The following SORCS1 variants were observed in gnomAD, a reference collection of about 807,000 sequenced individuals.
SORCS1 encodes sortilin related VPS10 domain containing receptor 1, also known as VPS10 domain-containing receptor SorCS1.
A neutral mutation model predicts 146.1 loss-of-function variants in SORCS1; 60 were observed. That is an observed-to-expected ratio of 0.41 (90% CI 0.33 to 0.51). SORCS1 has a LOEUF of 0.51. Ranked by LOEUF, SORCS1 falls within the 20% of genes least tolerant of loss-of-function variation. SORCS1 has a pLI of 0.21. For synonymous variants in SORCS1, 637 were observed against 584.0 expected, an observed-to-expected ratio of 1.09 and a Z score of -1.31; for missense variants, 1,352 against 1,487.6, an observed-to-expected ratio of 0.91 and a Z score of 1.50.
chr10:107,024,191 A>AAAG (rs1564938975), intron 1 of SORCS1, among the ~76,000 whole-genome samples: 4 of 150,238 alleles, frequency 2.7e-5, no homozygotes, highest in African/African-American at 1.0e-4. Context: ...AAAAAAAAAA[A>AAAG]AAGAAGAAGA....
chr10:106,894,806 A>C (rs1189664274), intron 2 of SORCS1, among the ~76,000 whole-genome samples: 2 of 152,244 alleles, frequency 1.3e-5, no homozygotes, highest in Non-Finnish European at 2.9e-5. Context: ...CCTAAATTCT[A>C]GAAGAAAGCC....
At chr10:106,919,614 C>A (rs181437787) in intron 2 of SORCS1, among the ~76,000 whole-genome samples, 1 of 152,148 alleles carries the variant, frequency 6.6e-6, no homozygotes, top group Non-Finnish European at 1.5e-5. Context: ...AAATTCCCTG[C>A]GCTATTTGGT....
chr10:107,020,350 A>G (rs1006296850), intron 1 of SORCS1, among the ~76,000 whole-genome samples: 2 of 152,224 alleles, frequency 1.3e-5, no homozygotes, highest in African/African-American at 4.8e-5. Context: ...CAAATCTGAT[A>G]CCCAAAAGTG....
intron 9 of SORCS1, among the ~76,000 whole-genome samples, chr10:106,698,074 A>G (rs1412787016): frequency 1.3e-5 from 2 of 152,224 alleles, no homozygotes; most frequent in Non-Finnish European, 2.9e-5. Context: ...CATAATTTCT[A>G]TTACAAATAC....
At chr10:106,838,513 T>C (rs540914991) in intron 2 of SORCS1, among the ~76,000 whole-genome samples, 1 of 152,188 alleles carries the variant, frequency 6.6e-6, no homozygotes, top group Non-Finnish European at 1.5e-5. Flanking sequence ...GACAAATGCA[T>C]AATGACATGT....
At chr10:106,797,825 C>A (rs1432440256) in intron 3 of SORCS1, among the ~76,000 whole-genome samples, 1 of 152,030 alleles carries the variant, frequency 6.6e-6, no homozygotes, top group Non-Finnish European at 1.5e-5. Flanking sequence ...GCAGGGCAAC[C>A]CCAGAGTGGC....
chr10:107,140,852 T>C (rs1351882239), intron 1 of SORCS1, among the ~76,000 whole-genome samples: 6 of 152,200 alleles, frequency 3.9e-5, no homozygotes, highest in Admixed American at 3.3e-4. Context: ...TTAGTTTCAT[T>C]TTATGAATGA....
chr10:106,626,887 A>G (rs1848146685), intron 19 of SORCS1, among the ~76,000 whole-genome samples: 1 of 152,240 alleles, frequency 6.6e-6, no homozygotes, highest in African/African-American at 2.4e-5. Context: ...TATATGAGGC[A>G]TGCTTATCCA....
At chr10:106,952,103 C>G (rs1954713953) in intron 2 of SORCS1, among the ~76,000 whole-genome samples, 1 of 152,176 alleles carries the variant, frequency 6.6e-6, no homozygotes, top group Admixed American at 6.5e-5. Flanking sequence ...TGTTTTCCAA[C>G]ACAGTTACAT....
At chr10:106,883,113 G>A (rs1166912450) in intron 2 of SORCS1, among the ~76,000 whole-genome samples, 1 of 152,138 alleles carries the variant, frequency 6.6e-6, no homozygotes, top group African/African-American at 2.4e-5. Flanking sequence ...CTCACCATTT[G>A]TAGAAAGCCA....
chr10:106,949,549 A>C (rs12257356), intron 2 of SORCS1, among the ~76,000 whole-genome samples: 2,450 of 152,258 alleles, frequency 0.016, 90 homozygotes, highest in African/African-American at 0.055. Flanking sequence ...CTACTGGGGA[A>C]CTTCTCTTGA....
chr10:106,643,455 G>T (rs961453190), intron 18 of SORCS1, among the ~76,000 whole-genome samples: 16 of 152,220 alleles, frequency 1.1e-4, no homozygotes, highest in African/African-American at 3.9e-4. Context: ...GTCTTTTTCT[G>T]CAAGGAGGAG....
At chr10:106,801,524 A>C (rs981554954) in intron 3 of SORCS1, among the ~76,000 whole-genome samples, 3 of 113,840 alleles carry the variant, frequency 2.6e-5, no homozygotes, top group Non-Finnish European at 5.3e-5. Flanking sequence ...TAGTATAGCC[A>C]TTTTTTTTTT....
At chr10:106,607,354 G>T in intron 22 of SORCS1, 57 bp from the exon 23 acceptor site, 1 of 1,600,324 alleles carries the variant, frequency 6.2e-7, no homozygotes. Context: ...GCTGAGAAGG[G>T]ACCAAGTATT....
chr10:106,629,404 A>G lies in SORCS1; in HGVS notation c.2476-16T>C, dbSNP rs1425740339. On this transcript the variant is annotated splice_polypyrimidine_tract_variant and intron_variant, in intron 18 of 25. Transcript: ENST00000263054. ...GAACATCACCCTGAAAAACAACCCAACATCAGAGGAAATGAGTTAGTATTC... is the reference window on the plus strand; with the variant it reads ...GAACATCACCCTGAAAAACAACCCAGCATCAGAGGAAATGAGTTAGTATTC... The G allele has an allele frequency of 6.2e-7, 1 of 1,612,212 alleles. No homozygotes were observed. The highest frequency in any genetic ancestry group is 2.2e-5 in the East Asian group (1 of 44,782).
intron 2 of SORCS1, among the ~76,000 whole-genome samples, chr10:106,841,106 G>A (rs534924981): frequency 2.8e-4 from 43 of 151,640 alleles, no homozygotes; most frequent in African/African-American, 9.4e-4. Context: ...CGCCTGCCTC[G>A]GCCTCCAAAA....
At chr10:107,143,450 C>T (rs1968016603) in intron 1 of SORCS1, among the ~76,000 whole-genome samples, 2 of 152,196 alleles carry the variant, frequency 1.3e-5, no homozygotes, top group South Asian at 2.1e-4. Context: ...ACCTCAGCCT[C>T]CCAAGTAGCT....
chr10:106,899,138 A>G (rs1330674887), intron 2 of SORCS1, among the ~76,000 whole-genome samples: 2 of 152,194 alleles, frequency 1.3e-5, no homozygotes, highest in East Asian at 3.9e-4. Flanking sequence ...GAACCAAGCC[A>G]TATTTTTTTC....
intron 2 of SORCS1, among the ~76,000 whole-genome samples, chr10:106,914,718 GC>G (rs1952329799): frequency 6.6e-6 from 1 of 152,128 alleles, no homozygotes; most frequent in Admixed American, 6.5e-5. Flanking sequence ...TAGCTCATTA[GC>G]CAGCACAATA....
Sources: allele counts gnomAD v4.1 joint callset (sites outside exome capture counted in the v4.1 genomes callset), GRCh38; gene constraint gnomAD v4.1.1; transcripts MANE v1.5; gene names NCBI Gene and HGNC (gene_info 2026-07-23, HGNC 2026-07-21).